The following AKAP7 variants were observed in gnomAD, a reference collection of about 807,000 sequenced individuals.
AKAP7 encodes A-kinase anchoring protein 7, also known as A kinase (PRKA) anchor protein 7.
AKAP7 carries 39 observed loss-of-function variants against 39.5 expected under a neutral mutation model. The observed-to-expected ratio is 0.99, with a 90% CI of 0.76 to 1.29. AKAP7 has a LOEUF of 1.29. Ranked by LOEUF, AKAP7 falls within the 50% of genes most tolerant of loss-of-function variation. AKAP7 has a pLI of 0.00. For missense variants in AKAP7, 414 were observed against 407.7 expected, an observed-to-expected ratio of 1.02 and a Z score of -0.13; for synonymous variants, 140 against 139.1, an observed-to-expected ratio of 1.01 and a Z score of -0.05.
intron 7 of AKAP7, among the ~76,000 whole-genome samples, chr6:131,247,211 T>A (rs1161816061): frequency 4.8e-5 from 7 of 146,108 alleles, no homozygotes; most frequent in Non-Finnish European, 1.0e-4. Context: ...CCTCTAACAT[T>A]ATCTAGCTCC....
intron 7 of AKAP7, among the ~76,000 whole-genome samples, chr6:131,251,221 A>G (rs899018153): frequency 3.3e-5 from 5 of 152,218 alleles, no homozygotes; most frequent in Non-Finnish European, 7.4e-5. Context: ...TGTGCCTAGA[A>G]AAGACAACTT....
At chr6:131,261,522 AT>A (rs2128326867) in intron 7 of AKAP7, among the ~76,000 whole-genome samples, 1 of 152,272 alleles carries the variant, frequency 6.6e-6, no homozygotes, top group African/African-American at 2.4e-5. Context: ...TAACATAAAA[AT>A]TCATTGAGAT....
intron 7 of AKAP7, among the ~76,000 whole-genome samples, chr6:131,260,307 T>C (rs183495908): frequency 6.6e-6 from 1 of 152,196 alleles, no homozygotes; most frequent in Non-Finnish European, 1.5e-5. Flanking sequence ...TATATTTTTT[T>C]GGGCATATAC....
At position 131,191,789 on chromosome 6, in the gene AKAP7, C is replaced by G. The variant is rs545321098; in HGVS notation, c.590-7672C>G. Among the ~76,000 whole-genome samples, 11 of 151,870 alleles carry G rather than the reference C, an allele frequency of 7.2e-5. No individual in the cohort carries two copies. In the South Asian group the frequency reaches 2.1e-3, roughly 29 times the overall value. Reference sequence around the variant, plus strand: ...GGCTCCACCAGCACTTTGGACAGTGCCTGTCTCCTTGGCTTCATGGCCTTT... The same window carrying G: ...GGCTCCACCAGCACTTTGGACAGTGGCTGTCTCCTTGGCTTCATGGCCTTT... On this transcript the variant is annotated intron_variant, in intron 5 of 7. Transcript: ENST00000431975.
intron 7 of AKAP7, among the ~76,000 whole-genome samples, chr6:131,275,928 A>T (rs532569043): frequency 6.6e-6 from 1 of 152,186 alleles, no homozygotes; most frequent in Non-Finnish European, 1.5e-5. Flanking sequence ...GCCCACTCAG[A>T]CTGTAGGCCA....
At chr6:131,251,419 T>C (rs1812437246) in intron 7 of AKAP7, among the ~76,000 whole-genome samples, 2 of 152,254 alleles carry the variant, frequency 1.3e-5, no homozygotes, top group South Asian at 4.1e-4. Flanking sequence ...TCATACTTGC[T>C]AAATTTGCAA....
chr6:131,226,718 A>G (rs995188181), intron 7 of AKAP7, among the ~76,000 whole-genome samples: 1 of 152,206 alleles, frequency 6.6e-6, no homozygotes, highest in Non-Finnish European at 1.5e-5. Flanking sequence ...GCTGTCAGAC[A>G]TATCTTACAG....
chr6:131,213,121 A>T (rs1432275592), intron 6 of AKAP7, among the ~76,000 whole-genome samples: 2 of 152,218 alleles, frequency 1.3e-5, no homozygotes, highest in Non-Finnish European at 1.5e-5. Flanking sequence ...AGCACAACAC[A>T]TTCTACCATG....
upstream of AKAP7, among the ~76,000 whole-genome samples, chr6:131,134,448 C>T (rs574466244): frequency 6.6e-6 from 1 of 152,178 alleles, no homozygotes; most frequent in Non-Finnish European, 1.5e-5. Context: ...ATATTCTCAT[C>T]CTCTTCACTA....
intron 7 of AKAP7, among the ~76,000 whole-genome samples, chr6:131,275,799 C>T (rs1281821839): frequency 2.0e-5 from 3 of 152,180 alleles, no homozygotes; most frequent in South Asian, 4.1e-4. Context: ...TCTTGGGGAA[C>T]GGCGGAAAGA....
At chr6:131,191,172 T>G (rs1430986138) in intron 5 of AKAP7, among the ~76,000 whole-genome samples, 1 of 152,236 alleles carries the variant, frequency 6.6e-6, no homozygotes, top group Non-Finnish European at 1.5e-5. Context: ...CATAGTAAGT[T>G]AGTCCATCAT....
At chr6:131,272,730 A>C (rs138244303) in intron 7 of AKAP7, among the ~76,000 whole-genome samples, 93 of 152,324 alleles carry the variant, frequency 6.1e-4, no homozygotes, top group African/African-American at 2.2e-3. Flanking sequence ...GGATGAGTTC[A>C]GTATTTTTAA....
At chr6:131,139,974 T>C (rs186655201) in intron 1 of AKAP7, among the ~76,000 whole-genome samples, 2 of 152,270 alleles carry the variant, frequency 1.3e-5, no homozygotes, top group African/African-American at 4.8e-5. Context: ...TTGGATTACC[T>C]AACTCAGCCC....
At chr6:131,207,507 T>TTTTTTTTTTTTTTTTTTTTTTTTTTG (rs1344506995) in intron 6 of AKAP7, among the ~76,000 whole-genome samples, 1 of 141,846 alleles carries the variant, frequency 7.0e-6, no homozygotes, top group African/African-American at 2.6e-5. Flanking sequence ...TTTTTTTTTT[T>TTTTTTTTTTTTTTTTTTTTTTTTTTG]TTTTTTTTTT....
At chr6:131,261,182 T>A (rs1813292305) in intron 7 of AKAP7, among the ~76,000 whole-genome samples, 2 of 144,214 alleles carry the variant, frequency 1.4e-5, no homozygotes, top group Admixed American at 7.3e-5. Flanking sequence ...GAATGCAGCC[T>A]GGGCAACAAG....
intron 6 of AKAP7, among the ~76,000 whole-genome samples, chr6:131,213,159 A>C (rs1172772020): frequency 6.6e-6 from 1 of 152,198 alleles, no homozygotes; most frequent in Non-Finnish European, 1.5e-5. Context: ...TACATAGGCC[A>C]GTGTTATGTG....
intron 7 of AKAP7, among the ~76,000 whole-genome samples, chr6:131,244,671 G>A (rs1022842167): frequency 2.0e-5 from 3 of 152,162 alleles, no homozygotes; most frequent in Non-Finnish European, 4.4e-5. Context: ...TTGAAAATTG[G>A]CACTAAGCAG....
At chr6:131,238,303 G>T (rs1373075453) in intron 7 of AKAP7, among the ~76,000 whole-genome samples, 1 of 152,188 alleles carries the variant, frequency 6.6e-6, no homozygotes, top group Non-Finnish European at 1.5e-5. Context: ...TTTTACATTT[G>T]CTGAGGAGTG....
chr6:131,260,722 G>GA (rs1813243176), intron 7 of AKAP7, among the ~76,000 whole-genome samples: 1 of 152,132 alleles, frequency 6.6e-6, no homozygotes, highest in Non-Finnish European at 1.5e-5. Context: ...CAGATGGATA[G>GA]ATTGCAAAAT....
Sources: allele counts gnomAD v4.1 joint callset (sites outside exome capture counted in the v4.1 genomes callset), GRCh38; gene constraint gnomAD v4.1.1; transcripts MANE v1.5; gene names NCBI Gene and HGNC (gene_info 2026-07-23, HGNC 2026-07-21).